Variants in FAM124B observed in about 807,000 individuals in gnomAD.
The protein encoded by FAM124B is family with sequence similarity 124 member B.
FAM124B carries 18 observed loss-of-function variants against 19.7 expected under a neutral mutation model. The ratio of observed to expected loss-of-function variants is 0.92; its 90% CI spans 0.63 to 1.36. The LOEUF is 1.36. Ranked by LOEUF, FAM124B falls within the 40% of genes most tolerant of loss-of-function variation. The pLI, the probability that FAM124B is intolerant of heterozygous loss-of-function variation, is 0.00. For missense variants in FAM124B, 540 were observed against 553.3 expected, an observed-to-expected ratio of 0.98 and a Z score of 0.24; for synonymous variants, 223 against 225.2, an observed-to-expected ratio of 0.99 and a Z score of 0.09.
chr2:224,398,996 G>A (rs1384719291), intron 1 of FAM124B, among the ~76,000 whole-genome samples: 1 of 152,190 alleles, frequency 6.6e-6, no homozygotes, highest in African/African-American at 2.4e-5. Context: ...AGAGTGAGGG[G>A]CTGATGCCCC....
intron 1 of FAM124B, 73 bp downstream of exon 1, chr2:224,400,964 G>A: frequency 4.6e-6 from 7 of 1,511,504 alleles, no homozygotes; most frequent in Non-Finnish European, 6.2e-6. Flanking sequence ...AGAACCACTA[G>A]CTTAGGCCCA....
At chr2:224,386,352 G>A (rs948144919) in intron 1 of FAM124B, among the ~76,000 whole-genome samples, 2 of 152,090 alleles carry the variant, frequency 1.3e-5, no homozygotes, top group Admixed American at 6.6e-5. Context: ...ACACAGCATT[G>A]AGAAGGAAGC....
intron 1 of FAM124B, among the ~76,000 whole-genome samples, chr2:224,397,208 G>A (rs766194457): frequency 7.2e-5 from 11 of 152,232 alleles, no homozygotes; most frequent in South Asian, 2.1e-4. Context: ...TGCTGTTCTC[G>A]TGATAGAGAA....
intron 1 of FAM124B, among the ~76,000 whole-genome samples, chr2:224,396,202 C>T (rs1386863530): frequency 6.6e-6 from 1 of 152,194 alleles, no homozygotes; most frequent in African/African-American, 2.4e-5. Flanking sequence ...TGCCCATCCT[C>T]TTCCCCTGAC....
chr2:224,398,455 C>T (rs1690011027), intron 1 of FAM124B, among the ~76,000 whole-genome samples: 2 of 152,152 alleles, frequency 1.3e-5, no homozygotes, highest in African/African-American at 4.8e-5. Flanking sequence ...CTAGGAGCTA[C>T]AATGTGTTGT....
intron 1 of FAM124B, among the ~76,000 whole-genome samples, chr2:224,393,356 C>A (rs1054782818): frequency 1.3e-5 from 2 of 152,244 alleles, no homozygotes; most frequent in Admixed American, 1.3e-4. Flanking sequence ...ACACCCCAGA[C>A]TGTACTGATG....
chr2:224,393,054 C>T (rs147261046), intron 1 of FAM124B, among the ~76,000 whole-genome samples: 7 of 152,186 alleles, frequency 4.6e-5, no homozygotes, highest in Admixed American at 2.0e-4. Flanking sequence ...ACAGAAAGTC[C>T]TAGAGGACAG....
Position 224,401,799 on chromosome 2 carries a change from C to T in FAM124B, c.-31G>A, listed in dbSNP as rs754106288. On this transcript the variant is annotated 5_prime_UTR_variant, in exon 1 of 2. Coordinates refer to ENST00000409685, the MANE Select transcript of FAM124B (RefSeq NM_001122779.2). ...AACTGCCTGAGGCTGACAAAGACAG[C>T]GTGTGTAGAAGGCCCACTGTTCAAG... is the stretch of plus-strand genomic sequence containing the variant. 6.3e-7 allele frequency: 1 copy of T among 1,588,298 alleles called. No homozygotes were observed. Among genetic ancestry groups the T allele is most frequent in the Non-Finnish European group, 8.6e-7 (1 of 1,166,352 alleles).
rs1020787061 is a variant in FAM124B at position 224,398,457 on chromosome 2, A to G, written c.732+2580T>C. Among the ~76,000 whole-genome samples, 7 of 152,228 alleles carry G rather than the reference A, an allele frequency of 4.6e-5. No individual in the cohort carries two copies. In the East Asian group the frequency reaches 1.2e-3, roughly 25 times the overall value. The stretch of plus-strand genomic sequence containing the variant: ...AATCAAAAGCTATCTAGGAGCTACA[A>G]TGTGTTGTCTTTGGATTATGGCTGA... On this transcript the variant is annotated intron_variant, in intron 1 of 1. Transcript: ENST00000409685.
intron 1 of FAM124B, among the ~76,000 whole-genome samples, chr2:224,397,874 G>A: frequency 6.6e-6 from 1 of 152,184 alleles, no homozygotes; most frequent in East Asian, 1.9e-4. Context: ...TGAGTGAACA[G>A]TGAATTAATT....
chr2:224,390,561 G>T (rs1689864470), intron 1 of FAM124B, among the ~76,000 whole-genome samples: 1 of 152,076 alleles, frequency 6.6e-6, no homozygotes, highest in South Asian at 2.1e-4. Flanking sequence ...GCAAACAAAT[G>T]GGACAGCAAG....
At chr2:224,399,796 C>T (rs1012365042) in intron 1 of FAM124B, 1 of 152,104 alleles carries the variant, frequency 6.6e-6, no homozygotes, top group Non-Finnish European at 1.5e-5. Flanking sequence ...TAGTATAGGG[C>T]ATAATATGAA....
chr2:224,401,947 T>TA lies in FAM124B; in HGVS notation c.-180dup, dbSNP rs1690083213. The TA allele has an allele frequency of 2.9e-6, 2 of 678,886 alleles. No individual in the cohort carries two copies. The highest frequency in any genetic ancestry group is 2.2e-5 in the South Asian group (1 of 45,646). The allele number at this position is 678,886 out of a possible 1,614,324, so 42.1% of individuals were successfully genotyped here. On this transcript the variant is annotated 5_prime_UTR_variant, in exon 1 of 2. Coordinates refer to ENST00000409685, the MANE Select transcript of FAM124B (RefSeq NM_001122779.2). ...ACGTGCTCCTGGCCACCCGTGGACT[T>TA]ACGGCAAGAGAAGCTCACACCAGCT...
chr2:224,383,464 TCTCTC>T (rs1689756476), intron 1 of FAM124B, among the ~76,000 whole-genome samples: 2 of 152,068 alleles, frequency 1.3e-5, no homozygotes, highest in Non-Finnish European at 2.9e-5. Flanking sequence ...CTTTCTTCCT[TCTCTC>T]CTTCCTTCCT....
chr2:224,381,391 G>C (rs1689714032), intron 1 of FAM124B, among the ~76,000 whole-genome samples: 1 of 152,156 alleles, frequency 6.6e-6, no homozygotes. Flanking sequence ...AGGAGTTCGA[G>C]GTTAAATTGA....
At position 224,378,760 on chromosome 2, in the gene FAM124B, A is replaced by G; in HGVS notation, c.*813T>C. ...AAATGAATGAATGAGTGCGTTTTGT[A>G]AAGGAATCTGGGAGTCAAAATCTGG... On this transcript the variant is annotated 3_prime_UTR_variant, in exon 2 of 2. Coordinates refer to ENST00000409685, the MANE Select transcript of FAM124B (RefSeq NM_001122779.2). 6.6e-6 allele frequency: 1 copy of G among 152,334 alleles called. No homozygotes were observed. The highest frequency in any genetic ancestry group is 1.9e-4 in the East Asian group (1 of 5,184). 9.4% of individuals were successfully genotyped at this position (152,334 alleles called of 1,614,324 possible). A position where few individuals can be genotyped will look rare whatever the true frequency, so the allele number is the denominator to read the frequency against.
chr2:224,381,144 G>A lies in FAM124B; in HGVS notation c.733-936C>T, dbSNP rs146118493. 5.9e-5 allele frequency among the ~76,000 whole-genome samples: 9 copies of A among 152,214 alleles called. No individual in the cohort carries two copies. In the East Asian group the frequency reaches 1.2e-3, roughly 20 times the overall value. The stretch of plus-strand genomic sequence containing the variant: ...AATCAAATATCAAGAAGAATGATAC[G>A]GAAGAACTTGCAATAAATACTACTA... On this transcript the variant is annotated intron_variant, in intron 1 of 1. Transcript: ENST00000409685.
rs578130303 is a variant in FAM124B at position 224,400,677 on chromosome 2, G to A, written c.732+360C>T. On this transcript the variant is annotated intron_variant, in intron 1 of 1. Coordinates refer to ENST00000409685, the MANE Select transcript of FAM124B (RefSeq NM_001122779.2). ...AACGGCAAGCCTGAGAAAGGAGGCC[G>A]ATTCTTTAATAGGATTCTGATCTTT... is the stretch of plus-strand genomic sequence containing the variant. 1.6e-4 allele frequency among the ~76,000 whole-genome samples: 25 copies of A among 152,222 alleles called. No homozygotes were observed. In the East Asian group the frequency reaches 4.3e-3, roughly 26 times the overall value.
chr2:224,386,143 G>A (rs1450435616), intron 1 of FAM124B, among the ~76,000 whole-genome samples: 3 of 152,142 alleles, frequency 2.0e-5, no homozygotes, highest in Admixed American at 1.3e-4. Context: ...GATGTGGCCT[G>A]CCTCACCCTT....
Sources: gnomAD v4.1 joint callset for allele counts (sites outside exome capture counted in the v4.1 genomes callset) on GRCh38, gnomAD v4.1.1 for gene constraint, MANE v1.5 for transcripts, NCBI Gene and HGNC (gene_info 2026-07-23, HGNC 2026-07-21) for gene names.